CNTD1: variants seen among roughly 807,000 people sequenced by gnomAD.
CNTD1 encodes the protein cyclin N-terminal domain-containing protein 1.
CNTD1 carries 17 observed loss-of-function variants against 36.3 expected under a neutral mutation model. The ratio of observed to expected loss-of-function variants is 0.47; its 90% CI spans 0.32 to 0.70. The LOEUF is 0.70. CNTD1 is among the 30% of genes least tolerant of loss of function. The pLI, the probability that CNTD1 is intolerant of heterozygous loss-of-function variation, is 0.03. For missense variants in CNTD1, 338 were observed against 386.1 expected, an observed-to-expected ratio of 0.88 and a Z score of 1.04; for synonymous variants, 128 against 153.3, an observed-to-expected ratio of 0.83 and a Z score of 1.22.
At chr17:42,799,303 C>G in intron 1 of CNTD1, 67 bp downstream of exon 1, 1 of 1,482,374 alleles carries the variant, frequency 6.7e-7, no homozygotes, top group Non-Finnish European at 9.1e-7. Flanking sequence ...AGGCACCGAC[C>G]TTGAGATTCC....
At chr17:42,804,805 CA>C (rs1441566651) in intron 3 of CNTD1, among the ~76,000 whole-genome samples, 1 of 151,734 alleles carries the variant, frequency 6.6e-6, no homozygotes, top group Non-Finnish European at 1.5e-5. Flanking sequence ...GACTCTGTCT[CA>C]AAAAAACTAA....
intron 4 of CNTD1, 131 bp downstream of exon 4, chr17:42,806,015 G>A (rs1232212470): frequency 1.3e-6 from 1 of 788,072 alleles, no homozygotes; most frequent in Non-Finnish European, 1.9e-6. Context: ...ATCACTTGAG[G>A]CCAGGAGTTC....
chr17:42,809,355 A>G lies in CNTD1; in HGVS notation c.823-10A>G. 1 of 1,598,538 alleles carries G rather than the reference A, an allele frequency of 6.3e-7. No individual in the cohort carries two copies. Among genetic ancestry groups the G allele is most frequent in the Non-Finnish European group, 8.5e-7 (1 of 1,169,772 alleles). On this transcript the variant is annotated splice_polypyrimidine_tract_variant and intron_variant, in intron 6 of 6. Transcript: ENST00000588408. Reference sequence around the variant, plus strand: ...TTTTAGTAATAAGAAATCTGTCTCTATTTCTGAAGGTTGTGGGGCATTTGC... The same window carrying G: ...TTTTAGTAATAAGAAATCTGTCTCTGTTTCTGAAGGTTGTGGGGCATTTGC...
intron 1 of CNTD1, among the ~76,000 whole-genome samples, chr17:42,800,560 G>A (rs1039709339): frequency 1.1e-4 from 16 of 152,120 alleles, no homozygotes; most frequent in African/African-American, 3.9e-4. Context: ...AAACCAAGAA[G>A]ACATTGAAGG....
chr17:42,808,309 G>A (rs2144130374), intron 6 of CNTD1, among the ~76,000 whole-genome samples: 1 of 152,128 alleles, frequency 6.6e-6, no homozygotes, highest in East Asian at 1.9e-4. Flanking sequence ...AGCACTTTAG[G>A]AGGCCGAGGT....
Position 42,811,412 on chromosome 17 carries a change from A to G in CNTD1, c.*1877A>G. The G allele has an allele frequency of 2.5e-6, 1 of 401,116 alleles. No individual in the cohort carries two copies. The highest frequency in any genetic ancestry group is 4.4e-6 in the Non-Finnish European group (1 of 229,602). 24.8% of individuals were successfully genotyped at this position (401,116 alleles called of 1,614,324 possible). On this transcript the variant is annotated 3_prime_UTR_variant, in exon 7 of 7. Coordinates refer to ENST00000588408, the MANE Select transcript of CNTD1 (RefSeq NM_173478.3). ...TTCTTGAAACTGGAGAGGAGGCTTG[A>G]GCTCTATGCCAAGAAAACCCCCTAA... is the stretch of plus-strand genomic sequence containing the variant.
At chr17:42,806,252 G>C (rs1342249812) in intron 4 of CNTD1, among the ~76,000 whole-genome samples, 1 of 151,862 alleles carries the variant, frequency 6.6e-6, no homozygotes, top group Non-Finnish European at 1.5e-5. Context: ...TGTGCACAGG[G>C]GTTTGGGAAC....
At chr17:42,806,340 G>A (rs935515044) in intron 4 of CNTD1, among the ~76,000 whole-genome samples, 12 of 152,218 alleles carry the variant, frequency 7.9e-5, no homozygotes, top group Non-Finnish European at 1.6e-4. Flanking sequence ...TGTTCCCTCC[G>A]GCACTTGTCA....
At position 42,807,871 on chromosome 17, in the gene CNTD1, A is replaced by T. The variant is rs2054906535; in HGVS notation, c.822+7A>T. Reference sequence around the variant, plus strand: ...CCATGAGTGTTGGAGCCAGGTATGCACCACTGAGCAGGACCAGCATGGTGA... The same window carrying T: ...CCATGAGTGTTGGAGCCAGGTATGCTCCACTGAGCAGGACCAGCATGGTGA... On this transcript the variant is annotated splice_region_variant and intron_variant, in intron 6 of 6. Transcript: ENST00000588408. 6.3e-7 allele frequency: 1 copy of T among 1,591,790 alleles called. No individual in the cohort carries two copies. The highest frequency in any genetic ancestry group is 1.3e-5 in the African/African-American group (1 of 74,474).
chr17:42,799,199 G>A lies in CNTD1; in HGVS notation c.132G>A (p.Ser44=), dbSNP rs201778369. 1.4e-5 allele frequency: 23 copies of A among 1,613,978 alleles called. No homozygotes were observed. Among genetic ancestry groups the A allele is most frequent in the Middle Eastern group, 1.6e-4 (1 of 6,062 alleles). Residue 44 remains serine, a synonymous_variant, in exon 1 of 7, where the codon TCG becomes TCA. Coordinates refer to ENST00000588408, the MANE Select transcript of CNTD1 (RefSeq NM_173478.3). ...QQNEQAVREA[S]GRLGRFREPQ... is the part of the protein sequence containing the mutation. Reference sequence around the variant, plus strand: ...ATGAGCAAGCAGTGAGGGAGGCTTCGGGGCGGCTGGGCCGCTTCAGGGAGC... The same window carrying A: ...ATGAGCAAGCAGTGAGGGAGGCTTCAGGGCGGCTGGGCCGCTTCAGGGAGC...
rs375109804 is a variant in CNTD1 at position 42,809,550 on chromosome 17, A to T, written c.*15A>T. The stretch of plus-strand genomic sequence containing the variant: ...CTAACACATGAGGGAGGCTGAATCC[A>T]CCAAATATAAACAGCCATCCGTCAC... On this transcript the variant is annotated 3_prime_UTR_variant, in exon 7 of 7. Transcript: ENST00000588408. The T allele has an allele frequency of 1.2e-6, 2 of 1,612,124 alleles. No homozygotes were observed. Among genetic ancestry groups the T allele is most frequent in the Non-Finnish European group, 1.7e-6 (2 of 1,178,598 alleles).
At position 42,810,257 on chromosome 17, in the gene CNTD1, C is replaced by G. The variant is rs2054965124; in HGVS notation, c.*722C>G. 6.5e-6 allele frequency: 1 copy of G among 152,954 alleles called. No homozygotes were observed. Among genetic ancestry groups the G allele is most frequent in the Admixed American group, 6.5e-5 (1 of 15,294 alleles). 9.5% of individuals were successfully genotyped at this position (152,954 alleles called of 1,614,324 possible). ...GCAGAGTCGGCATTCAGTATAAGAA[C>G]CAAGTGAAAAGTGTTAAATTTCAAG... On this transcript the variant is annotated 3_prime_UTR_variant, in exon 7 of 7. Coordinates refer to ENST00000588408, the MANE Select transcript of CNTD1 (RefSeq NM_173478.3).
rs761759039 is a variant in CNTD1, at chr17:42,806,830, C to G, written c.725+12C>G. The G allele has an allele frequency of 1.2e-6, 2 of 1,613,616 alleles. No homozygotes were observed. Among genetic ancestry groups the G allele is most frequent in the South Asian group, 2.2e-5 (2 of 91,058 alleles). The stretch of plus-strand genomic sequence containing the variant: ...AGTCAGCTGCAAGGGTAAGACAACT[C>G]CTATAGGGTAGGCTCCTTCCAGGAA... On this transcript the variant is annotated intron_variant, in intron 5 of 6. Coordinates refer to ENST00000588408, the MANE Select transcript of CNTD1 (RefSeq NM_173478.3).
chr17:42,806,563 A>G, intron 4 of CNTD1, 111 bp from the exon 5 acceptor site: 1 of 1,118,032 alleles, frequency 8.9e-7, no homozygotes. Context: ...GTAGTAGAAC[A>G]TAGCAACCAG....
intron 6 of CNTD1, among the ~76,000 whole-genome samples, 184 bp downstream of exon 6, chr17:42,808,048 T>C (rs1010284027): frequency 3.3e-5 from 5 of 152,236 alleles, no homozygotes; most frequent in African/African-American, 4.8e-5. Context: ...GTTTTCCTTT[T>C]ATAAAACTGG....
chr17:42,811,494 C>T lies in CNTD1; in HGVS notation c.*1959C>T. 3 of 850,108 alleles carry T rather than the reference C, an allele frequency of 3.5e-6. No homozygotes were observed. The highest frequency in any genetic ancestry group is 5.3e-6 in the Non-Finnish European group (3 of 567,588). 52.7% of individuals were successfully genotyped at this position (850,108 alleles called of 1,614,324 possible). A position where few individuals can be genotyped will look rare whatever the true frequency, so the allele number is the denominator to read the frequency against. ...GACTAGGTGGTCACATTCTGTCCTG[C>T]TTGCAGTACTGGGTCAGTCTCTGCC... On this transcript the variant is annotated 3_prime_UTR_variant, in exon 7 of 7. Transcript: ENST00000588408.
Position 42,811,407 on chromosome 17 carries a change from G to A in CNTD1, c.*1872G>A, listed in dbSNP as rs139524046. On this transcript the variant is annotated 3_prime_UTR_variant, in exon 7 of 7. Transcript: ENST00000588408. ...AAACCTTCTTGAAACTGGAGAGGAG[G>A]CTTGAGCTCTATGCCAAGAAAACCC... The A allele has an allele frequency of 5.8e-4, 227 of 393,824 alleles. No homozygotes were observed. The East Asian group carries it at 8.7e-3, about 15-fold the overall frequency. 24.4% of individuals were successfully genotyped at this position (393,824 alleles called of 1,614,324 possible).
In CNTD1 at chr17:42,807,885, C is replaced by A. The variant is rs1446974291; in HGVS notation, c.822+21C>A. 6 of 1,533,208 alleles carry A rather than the reference C, an allele frequency of 3.9e-6. No individual in the cohort carries two copies. The African/African-American group carries it at 4.1e-5, about 10-fold the overall frequency. 95.0% of individuals were successfully genotyped at this position (1,533,208 alleles called of 1,614,324 possible). A position where few individuals can be genotyped will look rare whatever the true frequency, so the allele number is the denominator to read the frequency against. On this transcript the variant is annotated intron_variant, in intron 6 of 6. Transcript: ENST00000588408. ...GCCAGGTATGCACCACTGAGCAGGA[C>A]CAGCATGGTGAGAATTCATTTAACA...
chr17:42,803,751 C>T (rs1361860292), intron 2 of CNTD1, 56 bp downstream of exon 2: 6 of 1,357,964 alleles, frequency 4.4e-6, no homozygotes, highest in Non-Finnish European at 6.3e-6. Context: ...GCTAATGTAC[C>T]TACATCTTTA....
Sources: allele counts gnomAD v4.1 joint callset (sites outside exome capture counted in the v4.1 genomes callset), GRCh38; gene constraint gnomAD v4.1.1; transcripts MANE v1.5; gene names NCBI Gene and HGNC (gene_info 2026-07-23, HGNC 2026-07-21).